Variants in C11orf65 observed in about 807,000 individuals in gnomAD.
The protein encoded by C11orf65 is protein MFI.
Under a neutral mutation model 35.3 loss-of-function variants are expected in C11orf65, and 38 were observed. The ratio of observed to expected loss-of-function variants is 1.08; its 90% CI spans 0.83 to 1.41. The LOEUF (loss-of-function observed/expected upper bound fraction) is 1.41, where lower values mean the gene tolerates loss of function less well. Ranked by LOEUF, C11orf65 falls within the 40% of genes most tolerant of loss-of-function variation. The probability of loss-of-function intolerance (pLI) is 0.00; values close to 1 mark genes in which losing one functional copy is unlikely to be tolerated. For missense variants in C11orf65, 370 were observed against 367.1 expected (o/e 1.01, Z -0.06); for synonymous variants, 105 against 114.4 (o/e 0.92, Z 0.53).
chr11:108,367,224 T>TG (rs2091377668), intron 2 of C11orf65: 1 of 178,680 alleles, frequency 5.6e-6, no homozygotes, highest in African/African-American at 2.4e-5. Flanking sequence ...CTTGACCTCG[T>TG]GATCCACCCT....
intron 2 of C11orf65, among the ~76,000 whole-genome samples, chr11:108,458,679 C>T (rs1338122753): frequency 6.6e-6 from 1 of 152,166 alleles, no homozygotes; most frequent in African/African-American, 2.4e-5. Context: ...CCTATTTCCC[C>T]ATGCCCTAAC....
downstream of C11orf65, among the ~76,000 whole-genome samples, chr11:108,380,309 G>T (rs2091843211): frequency 6.6e-6 from 1 of 152,228 alleles, no homozygotes; most frequent in African/African-American, 2.4e-5. Context: ...CTTATTGAGA[G>T]AGAAGTAGCC....
chr11:108,329,088 C>A (rs786203697), downstream of C11orf65: 1 of 1,613,938 alleles, frequency 6.2e-7, no homozygotes, highest in African/African-American at 1.3e-5. Flanking sequence ...AAAATGAAGG[C>A]ATTTCTCTCA....
chr11:108,469,581 C>A (rs1360472295), upstream of C11orf65, among the ~76,000 whole-genome samples: 2 of 151,898 alleles, frequency 1.3e-5, no homozygotes. Flanking sequence ...TAGTGCTTAT[C>A]TGAATTATTT....
chr11:108,327,395 G>A (rs2085781117), downstream of C11orf65: 1 of 435,678 alleles, frequency 2.3e-6, no homozygotes, highest in African/African-American at 2.0e-5. Context: ...CAAAGTGTCT[G>A]ACATATATAA....
At chr11:108,461,613 T>C in intron 1 of C11orf65, 45 bp from the exon 2 acceptor site, 2 of 1,184,298 alleles carry the variant, frequency 1.7e-6, no homozygotes, top group Non-Finnish European at 1.2e-6. Context: ...ATAATTTTAA[T>C]TTACTTTCAT....
intron 2 of C11orf65, among the ~76,000 whole-genome samples, chr11:108,439,860 GA>G (rs1189181320): frequency 6.6e-6 from 1 of 152,116 alleles, no homozygotes; most frequent in East Asian, 1.9e-4. Flanking sequence ...TTGGGATGAT[GA>G]AAAAGCTGTG....
chr11:108,327,169 C>G (rs1404539674), downstream of C11orf65, among the ~76,000 whole-genome samples: 1 of 152,152 alleles, frequency 6.6e-6, no homozygotes, highest in Non-Finnish European at 1.5e-5. Flanking sequence ...TGTATAGCAT[C>G]TTCTGTTATT....
chr11:108,446,634 A>G (rs1451656817), intron 2 of C11orf65, among the ~76,000 whole-genome samples: 2 of 152,170 alleles, frequency 1.3e-5, no homozygotes, highest in East Asian at 1.9e-4. Flanking sequence ...TGAAGGAAGC[A>G]CTAAACATGG....
intron 6 of C11orf65, among the ~76,000 whole-genome samples, chr11:108,403,145 TA>T (rs916085534): frequency 5.3e-5 from 8 of 151,710 alleles, no homozygotes; most frequent in Non-Finnish European, 2.9e-5. Context: ...TTTACTTGTT[TA>T]AAAAAAAACT....
intron 2 of C11orf65, chr11:108,365,432 T>A (rs2137920764): frequency 6.2e-7 from 1 of 1,614,158 alleles, no homozygotes. Context: ...GGTGGACAAG[T>A]GAATTTGCTC....
exon 7 of C11orf65, chr11:108,308,912 G>C (rs1591738184): frequency 1.0e-6 from 1 of 987,694 alleles, no homozygotes; most frequent in African/African-American, 1.6e-5. Flanking sequence ...ATGTAGTGGA[G>C]AGCATTTGTT....
chr11:108,325,249 GTTTTT>G, intron 6 of C11orf65: 66 of 565,526 alleles, frequency 1.2e-4, no homozygotes, highest in Non-Finnish European at 1.3e-4. Flanking sequence ...AACTTACATA[GTTTTT>G]TTTTTTTTTT....
At chr11:108,347,195 C>A in intron 2 of C11orf65, 1 of 1,033,446 alleles carries the variant, frequency 9.7e-7, no homozygotes, top group South Asian at 1.3e-5. Context: ...TATACCAAGT[C>A]AGTGGTCTTA....
chr11:108,418,283 C>T (rs1479820869), intron 3 of C11orf65, among the ~76,000 whole-genome samples: 3 of 151,928 alleles, frequency 2.0e-5, no homozygotes, highest in Non-Finnish European at 2.9e-5. Context: ...CAATACTATG[C>T]TCAATAACTA....
At chr11:108,338,718 C>T in intron 2 of C11orf65, among the ~76,000 whole-genome samples, 1 of 151,858 alleles carries the variant, frequency 6.6e-6, no homozygotes, top group Non-Finnish European at 1.5e-5. Context: ...TTATACATCT[C>T]AATATTAAAG....
At chr11:108,351,506 A>T (rs2089197627) in intron 2 of C11orf65, among the ~76,000 whole-genome samples, 1 of 152,218 alleles carries the variant, frequency 6.6e-6, no homozygotes, top group Non-Finnish European at 1.5e-5. Context: ...GTTTTCACTT[A>T]GGATCTCTCA....
chr11:108,317,732 AT>A (rs1430719360), intron 6 of C11orf65, among the ~76,000 whole-genome samples: 5 of 148,902 alleles, frequency 3.4e-5, no homozygotes, highest in African/African-American at 7.4e-5. Context: ...ATATAAAAAA[AT>A]ATATAGTAGA....
chr11:108,343,439 C>A (rs2087859585), intron 2 of C11orf65: 1 of 1,579,416 alleles, frequency 6.3e-7, no homozygotes, highest in South Asian at 1.1e-5. Flanking sequence ...TGACAGCTGT[C>A]AGATATTATA....
Sources: gnomAD v4.1 joint callset for allele counts (sites outside exome capture counted in the v4.1 genomes callset) on GRCh38, gnomAD v4.1.1 for gene constraint, MANE v1.5 for transcripts, NCBI Gene and HGNC (gene_info 2026-07-23, HGNC 2026-07-21) for gene names.